TEC: variants seen among roughly 807,000 people sequenced by gnomAD.
The protein encoded by TEC is tyrosine-protein kinase Tec.
TEC carries 72 observed loss-of-function variants against 93.0 expected under a neutral mutation model. The observed-to-expected ratio is 0.77, with a 90% confidence interval of 0.64 to 0.94. The LOEUF (loss-of-function observed/expected upper bound fraction) is 0.94. Among genes scored for constraint, TEC ranks in the 40% least tolerant of loss-of-function variants. The pLI, the probability that TEC is intolerant of heterozygous loss-of-function variation, is 0.00. For synonymous variants in TEC, 249 were observed against 247.7 expected (o/e 1.01, Z -0.05); for missense variants, 630 against 757.9 (o/e 0.83, Z 1.98).
chr4:48,141,294 A>G, intron 15 of TEC, 61 bp downstream of exon 15: 1 of 1,428,280 alleles, frequency 7.0e-7, no homozygotes, highest in Non-Finnish European at 9.9e-7. Context: ...TTATTCCCAC[A>G]CTTATTAATT....
intron 2 of TEC, among the ~76,000 whole-genome samples, chr4:48,199,610 G>A (rs1306478936): frequency 6.6e-6 from 1 of 151,414 alleles, no homozygotes; most frequent in African/African-American, 2.4e-5. Flanking sequence ...GGGACTACAG[G>A]CACGCACCAC....
Position 48,168,613 on chromosome 4 carries a change from T to C in TEC, c.468A>G (p.Ala156=), listed in dbSNP as rs755160648. The C allele has an allele frequency of 6.2e-7, 1 of 1,603,266 alleles. No homozygotes were observed. The highest frequency in any genetic ancestry group is 1.1e-5 in the South Asian group (1 of 88,150). Residue 156 remains alanine (A), a synonymous_variant, in exon 6 of 18, where the codon GCA becomes GCG. Transcript: ENST00000381501. Reference sequence around the variant, plus strand: ...TCTTTGTTTCTGGTGCTGGAGGTAGTGCTTTTCTTATACCTGAAAATGCCA... The same window carrying C: ...TCTTTGTTTCTGGTGCTGGAGGTAGCGCTTTTCTTATACCTGAAAATGCCA... The part of the protein sequence containing the change: ...YNLFESSIRK[A]LPPAPETKKR...
chr4:48,149,632 T>G lies in TEC; in HGVS notation c.931A>C (p.Lys311Gln). ...GCATGTTTTTCAGCTAGGTAATACTTCTTTGGAGATGTTGTTGTTTCCTTT... is the reference window on the plus strand; with the variant it reads ...GCATGTTTTTCAGCTAGGTAATACTGCTTTGGAGATGTTGTTGTTTCCTTT... Reference protein sequence around the residue: ...HIKETTTSPKKYYLAEKHAFG... With the variant: ...HIKETTTSPKQYYLAEKHAFG... Residue 311 changes from lysine (K) to glutamine (Q), a missense_variant, in exon 11 of 18, where the codon AAG becomes CAG. By Grantham distance (53) the Lys-to-Gln change is moderately conservative (BLOSUM62 1). Around this residue, in one of 3 missense-constraint regions of TEC, gnomAD observed 335 missense variants for 351.5 expected, o/e 0.95. Coordinates refer to ENST00000381501, the MANE Select transcript of TEC (RefSeq NM_003215.3). 36 of 1,612,472 alleles carry G rather than the reference T, an allele frequency of 2.2e-5. No homozygotes were observed. The highest frequency in any genetic ancestry group is 3.1e-5 in the Non-Finnish European group (36 of 1,179,406).
At position 48,138,832 on chromosome 4, in the gene TEC, G is replaced by C; in HGVS notation, c.1655-10C>G. 1 of 1,613,552 alleles carries C rather than the reference G, an allele frequency of 6.2e-7. No homozygotes were observed. The highest frequency in any genetic ancestry group is 2.2e-5 in the East Asian group (1 of 44,878). On this transcript the variant is annotated splice_polypyrimidine_tract_variant and intron_variant, in intron 16 of 17. Coordinates refer to ENST00000381501, the MANE Select transcript of TEC (RefSeq NM_003215.3). ...TCCCACATTAAAACACCTGGAAAAG[G>C]ATAAGGATTACCAAATGGATGTATC...
At position 48,181,315 on chromosome 4, in the gene TEC, T is replaced by C. The variant is rs577785783; in HGVS notation, c.139-5129A>G. 6.6e-5 allele frequency among the ~76,000 whole-genome samples: 10 copies of C among 152,230 alleles called. 1 individual carries two copies. The South Asian group carries it at 1.5e-3, about 22-fold the overall frequency. On this transcript the variant is annotated intron_variant, in intron 2 of 17. Transcript: ENST00000381501. ...TTTCACAACACATATACAGTATATA[T>C]AGTGGCAGCTTATTCTAGCCACATC...
intron 2 of TEC, among the ~76,000 whole-genome samples, chr4:48,219,652 T>C (rs1264282485): frequency 6.6e-6 from 1 of 152,164 alleles, no homozygotes; most frequent in Non-Finnish European, 1.5e-5. Flanking sequence ...TCTCTCTGCT[T>C]CAGCTACCTA....
intron 9 of TEC, 31 bp from the exon 10 acceptor site, chr4:48,150,973 T>A: frequency 2.2e-6 from 3 of 1,385,824 alleles, no homozygotes; most frequent in Non-Finnish European, 3.0e-6. Context: ...AAATTTTTTT[T>A]ACTCTAATTA....
At chr4:48,175,454 G>T (rs1283801405) in intron 3 of TEC, among the ~76,000 whole-genome samples, 3 of 152,226 alleles carry the variant, frequency 2.0e-5, no homozygotes, top group African/African-American at 7.2e-5. Flanking sequence ...AGGTGCTGGG[G>T]AGGGGCTGAG....
Position 48,228,624 on chromosome 4 carries a change from C to G in TEC, c.-10G>C. The G allele has an allele frequency of 6.2e-7, 1 of 1,610,302 alleles. No homozygotes were observed. Among genetic ancestry groups the G allele is most frequent in the Non-Finnish European group, 8.5e-7 (1 of 1,178,796 alleles). On this transcript the variant is annotated 5_prime_UTR_variant, in exon 2 of 18. Coordinates refer to ENST00000381501, the MANE Select transcript of TEC (RefSeq NM_003215.3). ...TAGTGTTAAAATTCATCTCCGTCTTCTGATTACTCCTCCTGCCACTGAAGA... is the reference window on the plus strand; with the variant it reads ...TAGTGTTAAAATTCATCTCCGTCTTGTGATTACTCCTCCTGCCACTGAAGA...
At position 48,185,445 on chromosome 4, in the gene TEC, G is replaced by C. The variant is rs1721781459; in HGVS notation, c.139-9259C>G. Reference sequence around the variant, plus strand: ...AGAAGTCAAATGAATAGAATTTAGAGGCACTTCCAATTTGATGATTCTATG... The same window carrying C: ...AGAAGTCAAATGAATAGAATTTAGACGCACTTCCAATTTGATGATTCTATG... On this transcript the variant is annotated intron_variant, in intron 2 of 17. Transcript: ENST00000381501. Among the ~76,000 whole-genome samples the C allele has an allele frequency of 2.0e-5, 3 of 152,100 alleles. 1 individual carries two copies. The South Asian group carries it at 6.2e-4, about 31-fold the overall frequency.
chr4:48,191,757 T>C (rs1431775106), intron 2 of TEC, among the ~76,000 whole-genome samples: 4 of 152,026 alleles, frequency 2.6e-5, no homozygotes, highest in Admixed American at 1.3e-4. Context: ...TTGGGCAACA[T>C]AGCAAGACTC....
At chr4:48,257,175 T>C (rs919077778) in intron 1 of TEC, among the ~76,000 whole-genome samples, 2 of 152,192 alleles carry the variant, frequency 1.3e-5, no homozygotes, top group African/African-American at 4.8e-5. Context: ...CATGAAATTA[T>C]AATATTTTTA....
At chr4:48,145,692 CTG>C in intron 12 of TEC, 113 bp from the exon 13 acceptor site, 1 of 1,149,228 alleles carries the variant, frequency 8.7e-7, no homozygotes, top group East Asian at 2.4e-5. Flanking sequence ...CAGGATAACA[CTG>C]TAATAATTCC....
intron 5 of TEC, among the ~76,000 whole-genome samples, chr4:48,168,945 C>G (rs745636554): frequency 6.6e-6 from 1 of 152,162 alleles, no homozygotes; most frequent in East Asian, 1.9e-4. Flanking sequence ...GAAATCATGA[C>G]AACACTGAGA....
chr4:48,235,395 A>G (rs949662465), intron 1 of TEC, among the ~76,000 whole-genome samples: 1 of 152,234 alleles, frequency 6.6e-6, no homozygotes, highest in Non-Finnish European at 1.5e-5. Context: ...AAAAATGAAA[A>G]TGATTCCCTC....
intron 14 of TEC, among the ~76,000 whole-genome samples, chr4:48,143,270 C>T (rs1382489993): frequency 6.6e-6 from 1 of 152,192 alleles, no homozygotes; most frequent in Non-Finnish European, 1.5e-5. Context: ...CACAAACCTA[C>T]CATAGTAATA....
At chr4:48,215,041 T>C (rs555641380) in intron 2 of TEC, among the ~76,000 whole-genome samples, 136 of 152,012 alleles carry the variant, frequency 8.9e-4, no homozygotes, top group Admixed American at 2.6e-3. Context: ...TAATCTCAGC[T>C]ACGTGGGAGG....
chr4:48,250,428 G>A (rs775140458), intron 1 of TEC, among the ~76,000 whole-genome samples: 1 of 152,106 alleles, frequency 6.6e-6, no homozygotes. Flanking sequence ...TTTCACACCT[G>A]TCTGAATTCC....
At chr4:48,194,431 G>C (rs527876255) in intron 2 of TEC, among the ~76,000 whole-genome samples, 1 of 152,166 alleles carries the variant, frequency 6.6e-6, no homozygotes, top group Admixed American at 6.5e-5. Context: ...TATCTCTCTA[G>C]TTCTCTTCAA....
Sources: allele counts gnomAD v4.1 joint callset (sites outside exome capture counted in the v4.1 genomes callset), GRCh38; gene constraint gnomAD v4.1.1; regional missense constraint gnomAD v4.1.1; transcripts MANE v1.5; gene names NCBI Gene and HGNC (gene_info 2026-07-23, HGNC 2026-07-21).